RNF19B: variants seen among roughly 807,000 people sequenced by gnomAD.
RNF19B encodes the protein E3 ubiquitin-protein ligase RNF19B.
In RNF19B, 23 loss-of-function variants were observed where a neutral mutation model predicts 65.5. That is an observed-to-expected ratio of 0.35 (90% confidence interval 0.25 to 0.50). The LOEUF is 0.50. Among genes scored for constraint, RNF19B ranks in the 20% least tolerant of loss-of-function variants. The pLI is 0.98. For synonymous variants in RNF19B, 372 were observed against 379.6 expected (o/e 0.98, Z 0.23); for missense variants, 794 against 980.0 (o/e 0.81, Z 2.53).
chr1:32,932,746 G>C (rs1472519240), downstream of RNF19B, among the ~76,000 whole-genome samples: 1 of 151,866 alleles, frequency 6.6e-6, no homozygotes, highest in Admixed American at 6.6e-5. Flanking sequence ...CTTGTCTTCA[G>C]AGTTGTTTGG....
At chr1:32,944,257 AAAGG>A (rs1642312636) in intron 5 of RNF19B, 98 bp from the exon 6 acceptor site, 1 of 1,353,218 alleles carries the variant, frequency 7.4e-7, no homozygotes, top group Non-Finnish European at 1.0e-6. Context: ...CTTTATAAAG[AAAGG>A]AAGACAGAAA....
chr1:32,964,732 T>C lies in RNF19B; in HGVS notation c.-47A>G. The C allele has an allele frequency of 7.4e-7, 1 of 1,350,744 alleles. No homozygotes were observed. Among genetic ancestry groups the C allele is most frequent in the Non-Finnish European group, 9.5e-7 (1 of 1,055,712 alleles). 83.7% of individuals were successfully genotyped at this position (1,350,744 alleles called of 1,614,324 possible). On this transcript the variant is annotated 5_prime_UTR_variant, in exon 1 of 9. Transcript: ENST00000235150. The surrounding 1 kb of genome is among the most constrained non-coding windows in gnomAD (Gnocchi z 6.5). ...CAGGGGCGCCCAGCGCCGCCACAGCTCCCGCCTCAGCGCCCCTCAGCCAGC... is the reference window on the plus strand; with the variant it reads ...CAGGGGCGCCCAGCGCCGCCACAGCCCCCGCCTCAGCGCCCCTCAGCCAGC...
In RNF19B at chr1:32,945,508, G is replaced by C; in HGVS notation, c.1261+6C>G. The C allele has an allele frequency of 6.3e-7, 1 of 1,578,840 alleles. No homozygotes were observed. Among genetic ancestry groups the C allele is most frequent in the Non-Finnish European group, 8.7e-7 (1 of 1,147,832 alleles). On this transcript the variant is annotated splice_donor_region_variant and intron_variant, in intron 5 of 8. Coordinates refer to ENST00000235150, the MANE Select transcript of RNF19B (RefSeq NM_001300826.2). Reference sequence around the variant, plus strand: ...GAGAGAAGAGGTGTGGTCCTGACTAGCTTACCAACACTAACTGCAGCAATA... The same window carrying C: ...GAGAGAAGAGGTGTGGTCCTGACTACCTTACCAACACTAACTGCAGCAATA...
At chr1:32,947,745 C>T (rs946566824) in intron 3 of RNF19B, among the ~76,000 whole-genome samples, 1 of 151,770 alleles carries the variant, frequency 6.6e-6, no homozygotes, top group Non-Finnish European at 1.5e-5. Context: ...CAACTCTAGC[C>T]TCAAGATACT....
chr1:32,964,286 G>C lies in RNF19B; in HGVS notation c.400C>G (p.Leu134Val), dbSNP rs1256731194. Residue 134 changes from leucine to valine, a missense_variant, in exon 1 of 9, where the codon CTC (leucine) becomes GTC (valine). Physicochemically the swap from Leu to Val is conservative, Grantham distance 32. Around this residue, in one of 3 missense-constraint regions of RNF19B, gnomAD observed 374 missense variants for 423.8 expected, o/e 0.88. Coordinates refer to ENST00000235150, the MANE Select transcript of RNF19B (RefSeq NM_001300826.2). The surrounding 1 kb of genome is among the most constrained non-coding windows in gnomAD (Gnocchi z 6.5). ...VRLPPERAPR[L>V]LSCPHRSCRD... ...CACGAGCGGTGCGGACAGCTGAGGA[G>C]GCGCGGGGCCCGCTCAGGCGGCAGC... 6 of 1,528,040 alleles carry C rather than the reference G, an allele frequency of 3.9e-6. No individual in the cohort carries two copies. Among genetic ancestry groups the C allele is most frequent in the South Asian group, 2.4e-5 (2 of 82,302 alleles). 94.7% of individuals were successfully genotyped at this position (1,528,040 alleles called of 1,614,324 possible).
At chr1:32,942,860 G>A (rs553502850) in intron 6 of RNF19B, among the ~76,000 whole-genome samples, 1 of 152,176 alleles carries the variant, frequency 6.6e-6, no homozygotes, top group Non-Finnish European at 1.5e-5. Flanking sequence ...AGAAAAACCG[G>A]CCGGGCGCGG....
At chr1:32,944,655 G>A (rs1165174175) in intron 5 of RNF19B, among the ~76,000 whole-genome samples, 1 of 151,968 alleles carries the variant, frequency 6.6e-6, no homozygotes, top group East Asian at 1.9e-4. Context: ...CTTGATTCAT[G>A]TCCCAGCTAA....
chr1:32,931,870 G>A (rs1426094456), downstream of RNF19B, among the ~76,000 whole-genome samples: 5 of 152,146 alleles, frequency 3.3e-5, no homozygotes, highest in Non-Finnish European at 7.3e-5. Context: ...TTTCATTTCA[G>A]GTGACCACAG....
chr1:32,956,421 G>A (rs972116638), intron 1 of RNF19B, among the ~76,000 whole-genome samples: 1 of 151,764 alleles, frequency 6.6e-6, no homozygotes, highest in South Asian at 2.1e-4. Flanking sequence ...GGTGGGGCGC[G>A]GTGGCGTGTG....
At chr1:32,953,901 CTTTTTTTTTTTTT>C (rs1180002582) in intron 1 of RNF19B, among the ~76,000 whole-genome samples, 2 of 84,212 alleles carry the variant, frequency 2.4e-5, no homozygotes, top group African/African-American at 4.8e-5. Flanking sequence ...GCCCCCACTT[CTTTTTTTTTTTTT>C]TTTTTTTTTT....
At chr1:32,935,099 G>A (rs898360427), downstream of RNF19B, among the ~76,000 whole-genome samples, 1 of 151,470 alleles carries the variant, frequency 6.6e-6, no homozygotes, top group African/African-American at 2.4e-5. Flanking sequence ...CAAAGTGCTG[G>A]GATTGCAGGT....
intron 7 of RNF19B, among the ~76,000 whole-genome samples, chr1:32,941,145 T>C (rs1642220590): frequency 6.6e-6 from 1 of 151,614 alleles, no homozygotes; most frequent in Non-Finnish European, 1.5e-5. Flanking sequence ...ATTGCCTGAG[T>C]CCAGGAAGTT....
chr1:32,947,589 G>GT (rs1346391475), intron 3 of RNF19B, among the ~76,000 whole-genome samples: 1 of 151,872 alleles, frequency 6.6e-6, no homozygotes, highest in East Asian at 1.9e-4. Flanking sequence ...AACCTGGGAG[G>GT]TGGAGGTTGC....
At chr1:32,962,619 G>C (rs1177792249) in intron 1 of RNF19B, among the ~76,000 whole-genome samples, 3 of 152,170 alleles carry the variant, frequency 2.0e-5, no homozygotes, top group Admixed American at 6.5e-5. Flanking sequence ...CAGCATCATG[G>C]AGATTTCAAA....
chr1:32,945,596 G>C lies in RNF19B; in HGVS notation c.1179C>G (p.Ser393=). The C allele has an allele frequency of 6.2e-7, 1 of 1,613,586 alleles. No individual in the cohort carries two copies. Among genetic ancestry groups the C allele is most frequent in the Non-Finnish European group, 8.5e-7 (1 of 1,179,522 alleles). The change falls in exon 5 of 9, where the codon TCC becomes TCG. Residue 393 remains serine (S), a synonymous_variant. Coordinates refer to ENST00000235150, the MANE Select transcript of RNF19B (RefSeq NM_001300826.2). ...TGATAGCCAAATTCCTCTTGTGTTT[G>C]GAGGTTTTCCTTCCCTCATACCTGC... ...IHSRYEGRKT[S]KHKRNLAITG...
intron 7 of RNF19B, among the ~76,000 whole-genome samples, chr1:32,942,005 G>A (rs567601139): frequency 6.6e-4 from 100 of 152,256 alleles, no homozygotes; most frequent in Non-Finnish European, 1.1e-3. Context: ...GCTGAGGCAG[G>A]AGAATCGCTT....
intron 1 of RNF19B, among the ~76,000 whole-genome samples, chr1:32,950,909 G>A (rs535095516): frequency 3.3e-5 from 5 of 149,988 alleles, no homozygotes; most frequent in East Asian, 2.0e-4. Context: ...GGCGCGACTC[G>A]GCTCACTGCA....
At chr1:32,951,406 T>C (rs1189921022) in intron 1 of RNF19B, among the ~76,000 whole-genome samples, 9 of 151,422 alleles carry the variant, frequency 5.9e-5, no homozygotes, top group Admixed American at 2.6e-4. Context: ...GGAGGTGCAT[T>C]TGCACTCTTT....
intron 1 of RNF19B, among the ~76,000 whole-genome samples, chr1:32,953,253 C>A (rs1217941181): frequency 6.6e-6 from 1 of 151,860 alleles, no homozygotes; most frequent in African/African-American, 2.4e-5. Context: ...GGATTACAGG[C>A]GTGAGCCACC....
Sources: gnomAD v4.1 joint callset for allele counts (sites outside exome capture counted in the v4.1 genomes callset) on GRCh38, gnomAD v4.1.1 for gene constraint, gnomAD v4.1.1 regional missense constraint, Gnocchi (gnomAD v3.1) non-coding constraint, MANE v1.5 for transcripts, NCBI Gene and HGNC (gene_info 2026-07-23, HGNC 2026-07-21) for gene names.